Variants in CDH20 observed in about 807,000 individuals in gnomAD.
CDH20 encodes the protein cadherin-20.
Under a neutral mutation model 74.2 loss-of-function variants are expected in CDH20, and 29 were observed. The observed-to-expected ratio is 0.39, with a 90% CI of 0.29 to 0.53. The LOEUF is 0.53. Among genes scored for constraint, CDH20 ranks in the 20% least tolerant of loss-of-function variants. CDH20 has a pLI of 0.69. For synonymous variants in CDH20, 469 were observed against 405.4 expected (o/e 1.16, Z -1.88); for missense variants, 988 against 1,048.3 (o/e 0.94, Z 0.79).
chr18:61,431,245 G>T (rs1283119481), intron 1 of CDH20, among the ~76,000 whole-genome samples: 1 of 151,974 alleles, frequency 6.6e-6, no homozygotes, highest in Non-Finnish European at 1.5e-5. Context: ...CAAATTGAAG[G>T]ACATCCTACA....
chr18:61,338,970 T>C (rs986911388), intron 1 of CDH20, among the ~76,000 whole-genome samples: 2 of 152,326 alleles, frequency 1.3e-5, no homozygotes, highest in Non-Finnish European at 1.5e-5. Context: ...ATTGAATCAA[T>C]TGAATTTTCA....
chr18:61,540,945 A>T (rs1913013851), intron 9 of CDH20, among the ~76,000 whole-genome samples: 1 of 152,198 alleles, frequency 6.6e-6, no homozygotes, highest in South Asian at 2.1e-4. Context: ...AATTTGGTGC[A>T]ATGGTCTATA....
chr18:61,494,142 G>A (rs896291150), intron 2 of CDH20, among the ~76,000 whole-genome samples: 4 of 152,184 alleles, frequency 2.6e-5, no homozygotes, highest in South Asian at 4.1e-4. Context: ...TAGACCGAAG[G>A]TAGCAGGGAA....
chr18:61,527,911 A>T (rs1912488704), intron 6 of CDH20, 56 bp from the exon 7 acceptor site: 1 of 1,577,888 alleles, frequency 6.3e-7, no homozygotes, highest in Non-Finnish European at 8.7e-7. Context: ...GAACGTTGAC[A>T]TATTTTGAAT....
chr18:61,510,960 T>TTTTC (rs1187432019), intron 6 of CDH20, among the ~76,000 whole-genome samples: 1 of 139,468 alleles, frequency 7.2e-6, no homozygotes, highest in Non-Finnish European at 1.5e-5. Flanking sequence ...TTATTGGGTT[T>TTTTC]TTTCTTTCTT....
chr18:61,389,176 G>T (rs923258528), intron 1 of CDH20, among the ~76,000 whole-genome samples: 2 of 152,130 alleles, frequency 1.3e-5, no homozygotes, highest in Non-Finnish European at 2.9e-5. Flanking sequence ...TTACATAGTA[G>T]GCTCCAGAAA....
chr18:61,538,593 T>G (rs1387916352), intron 8 of CDH20, among the ~76,000 whole-genome samples: 1 of 31,580 alleles, frequency 3.2e-5, no homozygotes, highest in African/African-American at 1.3e-4. Flanking sequence ...TGTTTGTTTG[T>G]TTGTTTTTGT....
intron 1 of CDH20, among the ~76,000 whole-genome samples, chr18:61,481,142 G>T (rs113445605): frequency 3.4e-4 from 52 of 152,186 alleles, no homozygotes; most frequent in African/African-American, 1.2e-3. Flanking sequence ...ATGGATAAAA[G>T]ATATTACCCA....
chr18:61,432,494 G>A (rs1185940229), intron 1 of CDH20, among the ~76,000 whole-genome samples: 4 of 152,080 alleles, frequency 2.6e-5, no homozygotes, highest in African/African-American at 9.7e-5. Context: ...ACCACTCTTT[G>A]GAGGAGATAC....
chr18:61,423,996 G>A (rs769816898), intron 1 of CDH20, among the ~76,000 whole-genome samples: 13 of 151,668 alleles, frequency 8.6e-5, no homozygotes, highest in Non-Finnish European at 1.9e-4. Context: ...CGCTTCCTAC[G>A]CTCATCAAAA....
At chr18:61,517,076 C>T (rs1349833251) in intron 6 of CDH20, among the ~76,000 whole-genome samples, 1 of 152,010 alleles carries the variant, frequency 6.6e-6, no homozygotes, top group Non-Finnish European at 1.5e-5. Context: ...AGAAATAAAC[C>T]TCAATTATAC....
rs767247001 is a variant in CDH20, at chr18:61,554,238, A to G, written c.1949A>G (p.Tyr650Cys). 15 of 1,613,828 alleles carry G rather than the reference A, an allele frequency of 9.3e-6. No individual in the cohort carries two copies. In the South Asian group the frequency reaches 1.5e-4, roughly 17 times the overall value. ...LSMRRHRKQP[Y>C]IIDDEENIHE... ...ATGAGGCGGCACCGGAAACAACCAT[A>G]CATCATCGACGACGAGGAAAACATC... The change falls in exon 12 of 12, where the codon TAC (tyrosine) becomes TGC (cysteine). Residue 650 changes from tyrosine (Y) to cysteine (C), a missense_variant. Physicochemically the swap from Tyr to Cys is radical, Grantham distance 194. Around this residue, in one of 2 missense-constraint regions of CDH20, gnomAD observed 375 missense variants for 293.1 expected, o/e 1.28. Transcript: ENST00000262717.
At chr18:61,517,737 C>T (rs1912051942) in intron 6 of CDH20, among the ~76,000 whole-genome samples, 1 of 151,342 alleles carries the variant, frequency 6.6e-6, no homozygotes, top group African/African-American at 2.4e-5. Context: ...TTTGTTTTAC[C>T]CCCAGTGGCA....
chr18:61,398,228 T>C (rs1192232597), intron 1 of CDH20, among the ~76,000 whole-genome samples: 3 of 152,248 alleles, frequency 2.0e-5, no homozygotes, highest in African/African-American at 4.8e-5. Flanking sequence ...GAATCATACA[T>C]AGTACATGTC....
At chr18:61,389,090 G>A (rs1911690448) in intron 1 of CDH20, among the ~76,000 whole-genome samples, 1 of 152,128 alleles carries the variant, frequency 6.6e-6, no homozygotes, top group Admixed American at 6.5e-5. Flanking sequence ...ACAGGCTCAA[G>A]GACACTGCTG....
chr18:61,396,222 T>G (rs1411537389), intron 1 of CDH20, among the ~76,000 whole-genome samples: 1 of 152,160 alleles, frequency 6.6e-6, no homozygotes, highest in Non-Finnish European at 1.5e-5. Flanking sequence ...CTATTAATAG[T>G]ATTGCCCTTT....
intron 11 of CDH20, among the ~76,000 whole-genome samples, chr18:61,553,041 C>G (rs1259350758): frequency 6.6e-6 from 1 of 152,092 alleles, no homozygotes; most frequent in Non-Finnish European, 1.5e-5. Context: ...GTCACCAAAG[C>G]TATCTGGGAA....
rs1323133943 is a variant in CDH20, at chr18:61,538,607, T to G, written c.1409-417T>G. On this transcript the variant is annotated intron_variant, in intron 8 of 11. Coordinates refer to ENST00000262717, the MANE Select transcript of CDH20 (RefSeq NM_031891.4). The stretch of plus-strand genomic sequence containing the variant: ...TTGTTTGTTTGTTTGTTTTTGTTTT[T>G]GTTTTTGTTTTTGTTTTGTTTTTTT... 6.6e-5 allele frequency among the ~76,000 whole-genome samples: 3 copies of G among 45,540 alleles called. 1 individual carries two copies. Among genetic ancestry groups the G allele is most frequent in the Non-Finnish European group, 8.7e-5 (2 of 22,872 alleles). 29.9% of individuals were successfully genotyped at this position (45,540 alleles called of 152,430 possible).
At chr18:61,554,109 G>A (rs1347983281) in intron 11 of CDH20, 81 bp from the exon 12 acceptor site, 35 of 1,515,748 alleles carry the variant, frequency 2.3e-5, no homozygotes, top group Non-Finnish European at 3.0e-5. Context: ...CCCTATCCGT[G>A]GTGAATCAAG....
Sources: allele counts gnomAD v4.1 joint callset (sites outside exome capture counted in the v4.1 genomes callset), GRCh38; gene constraint gnomAD v4.1.1; regional missense constraint gnomAD v4.1.1; transcripts MANE v1.5; gene names NCBI Gene and HGNC (gene_info 2026-07-23, HGNC 2026-07-21).